The following SLC26A8 variants were observed in gnomAD, a reference collection of about 807,000 sequenced individuals.
SLC26A8 encodes solute carrier family 26 member 8.
A neutral mutation model predicts 105.0 loss-of-function variants in SLC26A8; 70 were observed. The observed-to-expected ratio is 0.67, with a 90% CI of 0.55 to 0.81. The LOEUF (loss-of-function observed/expected upper bound fraction) is 0.81. Among genes scored for constraint, SLC26A8 ranks in the 40% least tolerant of loss-of-function variants. The pLI, the probability that SLC26A8 is intolerant of heterozygous loss-of-function variation, is 0.00. For missense variants in SLC26A8, 998 were observed against 1,181.8 expected (o/e 0.84, Z 2.28); for synonymous variants, 415 against 438.3 (o/e 0.95, Z 0.66).
At chr6:35,956,859 C>T (rs1205087781) in intron 16 of SLC26A8, among the ~76,000 whole-genome samples, 1 of 149,308 alleles carries the variant, frequency 6.7e-6, no homozygotes, top group Admixed American at 6.7e-5. Flanking sequence ...GCAGAAGTTG[C>T]AGGGAGTTGA....
At chr6:35,966,591 T>C (rs572254825) in intron 11 of SLC26A8, among the ~76,000 whole-genome samples, 15 of 152,298 alleles carry the variant, frequency 9.8e-5, no homozygotes, top group South Asian at 4.1e-4. Context: ...TTATTTTATA[T>C]CATGTTTTTC....
intron 9 of SLC26A8, 42 bp from the exon 10 acceptor site, chr6:35,975,530 G>T: frequency 8.2e-7 from 1 of 1,220,274 alleles, no homozygotes; most frequent in Non-Finnish European, 1.2e-6. Context: ...CGTTTTTGTT[G>T]AAGAATGCTG....
intron 12 of SLC26A8, among the ~76,000 whole-genome samples, chr6:35,962,316 T>C (rs565487316): frequency 6.6e-6 from 1 of 152,344 alleles, no homozygotes; most frequent in Non-Finnish European, 1.5e-5. Flanking sequence ...TTAATCCTTT[T>C]CATTTAATTT....
chr6:35,958,835 A>G (rs1034985337), intron 16 of SLC26A8, among the ~76,000 whole-genome samples: 1 of 152,198 alleles, frequency 6.6e-6, no homozygotes, highest in African/African-American at 2.4e-5. Context: ...GAAATGAGCA[A>G]TCCTGCTCTG....
At chr6:35,959,618 G>C (rs761935262) in intron 15 of SLC26A8, 27 bp from the exon 16 acceptor site, 76 of 1,609,640 alleles carry the variant, frequency 4.7e-5, no homozygotes, top group Non-Finnish European at 6.3e-5. Flanking sequence ...GTCTCATCCA[G>C]AGGAAGAATG....
chr6:35,962,165 G>T (rs1313116260), intron 12 of SLC26A8, among the ~76,000 whole-genome samples: 1 of 151,572 alleles, frequency 6.6e-6, no homozygotes, highest in Non-Finnish European at 1.5e-5. Context: ...GGCGGAGGTT[G>T]CAGTGGGCTG....
chr6:35,970,865 A>C (rs1772771090), intron 10 of SLC26A8, among the ~76,000 whole-genome samples: 1 of 152,018 alleles, frequency 6.6e-6, no homozygotes, highest in Non-Finnish European at 1.5e-5. Context: ...ACCTCTACTA[A>C]AAATACAAAA....
chr6:36,021,331 C>G (rs1006713016), intron 1 of SLC26A8, among the ~76,000 whole-genome samples: 1 of 151,944 alleles, frequency 6.6e-6, no homozygotes, highest in Non-Finnish European at 1.5e-5. Flanking sequence ...AATCCCCCCC[C>G]ACCTTTCTTT....
rs774503713 is a variant in SLC26A8 at position 35,943,947 on chromosome 6, G to T, written c.2866C>A (p.Pro956Thr). 6.2e-7 allele frequency: 1 copy of T among 1,614,158 alleles called. No homozygotes were observed. Among genetic ancestry groups the T allele is most frequent in the Admixed American group, 1.7e-5 (1 of 60,020 alleles). ...CCCTCTGGTGAGTATGAATCCATAG[G>T]ATGGCGTCTCCTCTCCACTGACCAT... ...RTWSVERRRH[P>T]MDSYSPEGNS... Residue 956 changes from proline to threonine, a missense_variant, in exon 20 of 20, where the codon CCT (proline) becomes ACT (threonine). By Grantham distance (38) the Pro-to-Thr change is conservative. Coordinates refer to ENST00000490799, the MANE Select transcript of SLC26A8 (RefSeq NM_052961.4).
intron 14 of SLC26A8, chr6:35,960,514 G>T: frequency 7.7e-6 from 2 of 258,156 alleles, no homozygotes; most frequent in Non-Finnish European, 1.5e-5. Context: ...AAATTAGCCA[G>T]GTATGATGGG....
At chr6:35,961,216 G>A (rs2127299756) in intron 12 of SLC26A8, 117 bp from the exon 13 acceptor site, 1 of 784,968 alleles carries the variant, frequency 1.3e-6, no homozygotes. Context: ...TGGGCTTTAG[G>A]GAAATATTCC....
chr6:35,972,146 A>C (rs1227971532), intron 10 of SLC26A8, among the ~76,000 whole-genome samples: 5 of 152,248 alleles, frequency 3.3e-5, no homozygotes, highest in African/African-American at 1.2e-4. Context: ...CCAGATAAAA[A>C]ATAAAAACAA....
intron 7 of SLC26A8, chr6:35,989,710 C>T (rs1012621510): frequency 1.3e-5 from 2 of 152,032 alleles, no homozygotes; most frequent in Non-Finnish European, 2.9e-5. Flanking sequence ...TAACGTGAGT[C>T]GCAACCAGGG....
intron 9 of SLC26A8, among the ~76,000 whole-genome samples, chr6:35,976,354 G>A (rs1773023995): frequency 6.6e-6 from 1 of 151,420 alleles, no homozygotes. Context: ...AACCTGGGAG[G>A]TGGAGGTTGT....
chr6:35,955,323 A>C lies in SLC26A8; in HGVS notation c.2061T>G (p.Asn687Lys), dbSNP rs764596725. ...CTGGTGAGCTGTTTCTTGATGAGTTATTAGGAAGCCAAACTTCCTCCACCT... is the reference window on the plus strand; with the variant it reads ...CTGGTGAGCTGTTTCTTGATGAGTTCTTAGGAAGCCAAACTTCCTCCACCT... ...YEEVEEVWLP[N>K]NSSRNSSPGL... The change falls in exon 17 of 20, where the codon AAT becomes AAG. Residue 687 changes from asparagine to lysine, a missense_variant. Physicochemically the swap from Asn to Lys is moderately conservative, Grantham distance 94 (BLOSUM62 0). Transcript: ENST00000490799. The C allele has an allele frequency of 6.2e-7, 1 of 1,614,036 alleles. No individual in the cohort carries two copies. Among genetic ancestry groups the C allele is most frequent in the Non-Finnish European group, 8.5e-7 (1 of 1,180,026 alleles).
intron 7 of SLC26A8, chr6:35,989,921 T>TA (rs1251090380): frequency 1.2e-5 from 1 of 84,336 alleles, no homozygotes; most frequent in Non-Finnish European, 2.6e-5. Flanking sequence ...TTGTTTGTTT[T>TA]CTTTTCTTTT....
intron 7 of SLC26A8, among the ~76,000 whole-genome samples, chr6:35,988,966 G>A (rs749321449): frequency 6.7e-6 from 1 of 149,892 alleles, no homozygotes; most frequent in African/African-American, 2.5e-5. Context: ...TCAGCCTCCC[G>A]AGTAGCTGGA....
intron 10 of SLC26A8, among the ~76,000 whole-genome samples, chr6:35,972,992 C>T (rs531199495): frequency 6.6e-6 from 1 of 152,292 alleles, no homozygotes; most frequent in African/African-American, 2.4e-5. Flanking sequence ...TACACATACC[C>T]TAAACCCTTT....
intron 5 of SLC26A8, among the ~76,000 whole-genome samples, chr6:35,992,883 C>T (rs1761218891): frequency 6.6e-6 from 1 of 152,192 alleles, no homozygotes; most frequent in African/African-American, 2.4e-5. Flanking sequence ...TGCTAGCTCA[C>T]ACTACTCCTT....
Sources: gnomAD v4.1 joint callset for allele counts (sites outside exome capture counted in the v4.1 genomes callset) on GRCh38, gnomAD v4.1.1 for gene constraint, MANE v1.5 for transcripts, NCBI Gene and HGNC (gene_info 2026-07-23, HGNC 2026-07-21) for gene names.